CACNA2D2: variants seen among roughly 807,000 people sequenced by gnomAD.
The protein encoded by CACNA2D2 is calcium voltage-gated channel auxiliary subunit alpha2delta 2.
A neutral mutation model predicts 166.4 loss-of-function variants in CACNA2D2; 48 were observed. The observed-to-expected ratio is 0.29, with a 90% CI of 0.23 to 0.37. The LOEUF (loss-of-function observed/expected upper bound fraction) is 0.37. Among genes scored for constraint, CACNA2D2 ranks in the 10% least tolerant of loss-of-function variants. CACNA2D2 has a pLI of 1.00. For synonymous variants in CACNA2D2, 561 were observed against 573.7 expected (o/e 0.98, Z 0.32); for missense variants, 1,122 against 1,433.0 (o/e 0.78, Z 3.50).
rs576736337 is a variant in CACNA2D2 at position 50,495,045 on chromosome 3, C to G, written c.206+8173G>C. Among the ~76,000 whole-genome samples, 15 of 152,318 alleles carry G rather than the reference C, an allele frequency of 9.8e-5. No individual in the cohort carries two copies. In the East Asian group the frequency reaches 2.5e-3, roughly 25 times the overall value. ...AGGCTGCATAGGGAGTCGCCCTCCC[C>G]GCAGTCTGTACTGAGCATTAGGGAT... On this transcript the variant is annotated intron_variant, in intron 1 of 37. Coordinates refer to ENST00000424201, the MANE Select transcript of CACNA2D2 (RefSeq NM_006030.4).
chr3:50,364,300 T>C lies in CACNA2D2; in HGVS notation c.*366A>G. ...GCTTGGGTGGGGCAGAGAGGCCGGGTCAGCTGAGGCAGGGTCCCCCCCAAC... is the reference window on the plus strand; with the variant it reads ...GCTTGGGTGGGGCAGAGAGGCCGGGCCAGCTGAGGCAGGGTCCCCCCCAAC... On this transcript the variant is annotated 3_prime_UTR_variant, in exon 38 of 38. Coordinates refer to ENST00000424201, the MANE Select transcript of CACNA2D2 (RefSeq NM_006030.4). 1 of 257,974 alleles carries C rather than the reference T, an allele frequency of 3.9e-6. No individual in the cohort carries two copies. The highest frequency in any genetic ancestry group is 7.4e-6 in the Non-Finnish European group (1 of 135,486). 16.0% of individuals were successfully genotyped at this position (257,974 alleles called of 1,614,324 possible).
chr3:50,407,752 G>A (rs1706794619), intron 3 of CACNA2D2, among the ~76,000 whole-genome samples: 1 of 152,222 alleles, frequency 6.6e-6, no homozygotes, highest in Admixed American at 6.5e-5. Flanking sequence ...GTCTCAAAGG[G>A]CACATAAACC....
At position 50,368,679 on chromosome 3, in the gene CACNA2D2, G is replaced by A. The variant is rs587618791; in HGVS notation, c.2046-444C>T. Among the ~76,000 whole-genome samples the A allele has an allele frequency of 5.9e-5, 9 of 152,324 alleles. No individual in the cohort carries two copies. In the East Asian group the frequency reaches 1.3e-3, roughly 23 times the overall value. ...CCCTGCCTCTTCCTGGCTGTGTGCC[G>A]TTAGGTAACTCACTCACGCTCTCTG... On this transcript the variant is annotated intron_variant, in intron 23 of 37. Coordinates refer to ENST00000424201, the MANE Select transcript of CACNA2D2 (RefSeq NM_006030.4).
intron 2 of CACNA2D2, among the ~76,000 whole-genome samples, chr3:50,441,127 G>A (rs1356425386): frequency 2.6e-5 from 4 of 152,138 alleles, no homozygotes; most frequent in South Asian, 2.1e-4. Context: ...GGGACAGGGG[G>A]ATCCTCCAGG....
At chr3:50,377,366 G>T in intron 17 of CACNA2D2, 101 bp downstream of exon 17, 1 of 944,946 alleles carries the variant, frequency 1.1e-6, no homozygotes, top group Non-Finnish European at 1.6e-6. Context: ...TGAACTCAGA[G>T]GTCTCCATGG....
chr3:50,476,075 G>A, intron 2 of CACNA2D2, 43 bp downstream of exon 2: 1 of 1,480,934 alleles, frequency 6.8e-7, no homozygotes, highest in East Asian at 2.4e-5. Flanking sequence ...CCCTTCCCTT[G>A]GAAGAGGGTC....
rs867716930 is a variant in CACNA2D2, at chr3:50,459,745, C to T, written c.288+16373G>A. On this transcript the variant is annotated intron_variant, in intron 2 of 37. Coordinates refer to ENST00000424201, the MANE Select transcript of CACNA2D2 (RefSeq NM_006030.4). ...ATGTGAGTGAGTCCAGGGGAGAAGCCCATGCCCTCTGACCCCAGGTGACTG... is the reference window on the plus strand; with the variant it reads ...ATGTGAGTGAGTCCAGGGGAGAAGCTCATGCCCTCTGACCCCAGGTGACTG... 3.9e-5 allele frequency among the ~76,000 whole-genome samples: 6 copies of T among 152,322 alleles called. No individual in the cohort carries two copies. In the East Asian group the frequency reaches 5.8e-4, roughly 15 times the overall value.
chr3:50,435,608 G>A (rs969101669), intron 2 of CACNA2D2, among the ~76,000 whole-genome samples: 2 of 149,204 alleles, frequency 1.3e-5, no homozygotes, highest in Non-Finnish European at 3.0e-5. Flanking sequence ...ACAGCGAGAA[G>A]GCAGGGAGAT....
chr3:50,362,885 A>C lies in CACNA2D2; in HGVS notation c.*1781T>G. 5.2e-6 allele frequency: 2 copies of C among 383,684 alleles called. No individual in the cohort carries two copies. Among genetic ancestry groups the C allele is most frequent in the Non-Finnish European group, 9.2e-6 (2 of 217,542 alleles). The allele number at this position is 383,684 out of a possible 1,614,324, so 23.8% of individuals were successfully genotyped here. On this transcript the variant is annotated 3_prime_UTR_variant, in exon 38 of 38. Transcript: ENST00000424201. Reference sequence around the variant, plus strand: ...TATTTTACAAGGAATCACACACACGATATTTTACAAAGTTTCTTGACTTTT... The same window carrying C: ...TATTTTACAAGGAATCACACACACGCTATTTTACAAAGTTTCTTGACTTTT...
Position 50,377,999 on chromosome 3 carries a change from AG to A in CACNA2D2, c.1479+8del. The A allele has an allele frequency of 6.2e-7, 1 of 1,613,078 alleles. No individual in the cohort carries two copies. Among genetic ancestry groups the A allele is most frequent in the Non-Finnish European group, 8.5e-7 (1 of 1,179,510 alleles). On this transcript the variant is annotated splice_region_variant and intron_variant, in intron 15 of 37. Transcript: ENST00000424201. ...CCAGCCCCACCCCTTCCTTGTCCAG[AG>A]GCCTTACCAGTGCATCCTCATACAC...
chr3:50,407,300 T>C (rs759856646), intron 3 of CACNA2D2, among the ~76,000 whole-genome samples: 1 of 151,794 alleles, frequency 6.6e-6, no homozygotes, highest in Non-Finnish European at 1.5e-5. Flanking sequence ...CTCTCTCCTG[T>C]TTAAGGCCTG....
chr3:50,465,967 G>A (rs1010001417), intron 2 of CACNA2D2, among the ~76,000 whole-genome samples: 8 of 152,152 alleles, frequency 5.3e-5, no homozygotes, highest in African/African-American at 1.7e-4. Context: ...CACTCCCCAG[G>A]AGGCCCGGGA....
chr3:50,489,000 T>A (rs904992983), intron 1 of CACNA2D2, among the ~76,000 whole-genome samples: 1 of 152,178 alleles, frequency 6.6e-6, no homozygotes, highest in Non-Finnish European at 1.5e-5. Context: ...GCGCACGTCC[T>A]TCCTGGTGTT....
At chr3:50,385,680 C>T (rs1207609987) in intron 5 of CACNA2D2, among the ~76,000 whole-genome samples, 6 of 152,212 alleles carry the variant, frequency 3.9e-5, no homozygotes, top group Non-Finnish European at 8.8e-5. Context: ...CAGTGTGCCA[C>T]CCATCTGCCC....
chr3:50,500,200 T>A (rs1050901053), intron 1 of CACNA2D2, among the ~76,000 whole-genome samples: 1 of 152,152 alleles, frequency 6.6e-6, no homozygotes, highest in East Asian at 1.9e-4. Context: ...CGTACTCTGG[T>A]TGTCATTAAT....
At chr3:50,493,167 C>A (rs773104557) in intron 1 of CACNA2D2, among the ~76,000 whole-genome samples, 1 of 152,186 alleles carries the variant, frequency 6.6e-6, no homozygotes, top group Non-Finnish European at 1.5e-5. Flanking sequence ...ACCCTGCAGC[C>A]GACACTGCTT....
At chr3:50,399,965 C>A (rs1706361590) in intron 3 of CACNA2D2, among the ~76,000 whole-genome samples, 1 of 152,148 alleles carries the variant, frequency 6.6e-6, no homozygotes, top group African/African-American at 2.4e-5. Flanking sequence ...GGGACAAGTA[C>A]CAGGATGCCC....
intron 1 of CACNA2D2, among the ~76,000 whole-genome samples, chr3:50,498,377 A>G (rs997007878): frequency 6.6e-6 from 1 of 152,158 alleles, no homozygotes; most frequent in Non-Finnish European, 1.5e-5. Flanking sequence ...GGACTAAAGG[A>G]GCCAGCCTCA....
At position 50,365,664 on chromosome 3, in the gene CACNA2D2, G is replaced by A. The variant is rs761003578; in HGVS notation, c.2940C>T (p.Tyr980=). The A allele has an allele frequency of 5.7e-6, 9 of 1,583,454 alleles. No homozygotes were observed. Among genetic ancestry groups the A allele is most frequent in the Admixed American group, 3.7e-5 (2 of 54,026 alleles). ...AAWSLFQQLL[Y]GLIYHSWFQA... ...GGAACCAGCTGTGGTAGATGAGGCC[G>A]TAGAGAAGCTGCTGGAACAGGGACC... is the stretch of plus-strand genomic sequence containing the variant. The change falls in exon 34 of 38, where the codon TAC becomes TAT. Residue 980 remains tyrosine, a synonymous_variant. Transcript: ENST00000424201. This position sits in a 1 kb window ranked among gnomAD's most constrained non-coding sequence, Gnocchi z 4.5.
Sources: gnomAD v4.1 joint callset for allele counts (sites outside exome capture counted in the v4.1 genomes callset) on GRCh38, gnomAD v4.1.1 for gene constraint, Gnocchi (gnomAD v3.1) non-coding constraint, MANE v1.5 for transcripts, NCBI Gene and HGNC (gene_info 2026-07-23, HGNC 2026-07-21) for gene names.